The following GPC6 variants were observed in gnomAD, a reference collection of about 807,000 sequenced individuals.
GPC6 encodes glypican-6.
GPC6 carries 14 observed loss-of-function variants against 55.2 expected under a neutral mutation model. The ratio of observed to expected loss-of-function variants is 0.25; its 90% confidence interval spans 0.17 to 0.40. The LOEUF (loss-of-function observed/expected upper bound fraction) is 0.40. Among genes scored for constraint, GPC6 ranks in the 10% least tolerant of loss-of-function variants. The probability of loss-of-function intolerance (pLI) is 1.00; values close to 1 mark genes in which losing one functional copy is unlikely to be tolerated. For missense variants in GPC6, 641 were observed against 708.5 expected, an observed-to-expected ratio of 0.90 and a Z score of 1.08; for synonymous variants, 278 against 259.6, an observed-to-expected ratio of 1.07 and a Z score of -0.68.
Position 94,318,230 on chromosome 13 carries a change from G to A in GPC6, c.1152+12107G>A, listed in dbSNP as rs1295604617. 2.5e-4 allele frequency among the ~76,000 whole-genome samples: 38 copies of A among 152,108 alleles called. 1 individual carries two copies. The highest frequency in any genetic ancestry group is 2.3e-3 in the Admixed American group (35 of 15,270). On this transcript the variant is annotated intron_variant, in intron 6 of 8. Transcript: ENST00000377047. ...CTGTTTGCTCTATCAATTACTGAAA[G>A]AGAGATTTTCACTATGCGAGTAGAC...
At chr13:94,080,041 C>A (rs981977017) in intron 4 of GPC6, among the ~76,000 whole-genome samples, 7 of 152,148 alleles carry the variant, frequency 4.6e-5, no homozygotes, top group African/African-American at 1.7e-4. Flanking sequence ...TACACTTTCC[C>A]TCTTTCTGGG....
intron 1 of GPC6, among the ~76,000 whole-genome samples, chr13:93,273,422 G>T (rs1021170591): frequency 1.3e-5 from 2 of 152,168 alleles, no homozygotes; most frequent in Non-Finnish European, 2.9e-5. Context: ...ACTTTGGGAG[G>T]CCGAGGTGGG....
At chr13:93,809,888 G>A (rs1411479164) in intron 2 of GPC6, among the ~76,000 whole-genome samples, 1 of 152,186 alleles carries the variant, frequency 6.6e-6, no homozygotes, top group Non-Finnish European at 1.5e-5. Context: ...CCCCAGAGAA[G>A]TTTCAAGTAA....
intron 1 of GPC6, among the ~76,000 whole-genome samples, chr13:93,325,053 T>G (rs1879607438): frequency 6.6e-6 from 1 of 152,202 alleles, no homozygotes; most frequent in Non-Finnish European, 1.5e-5. Context: ...TTTGTAGGCA[T>G]TTCTCTATGT....
chr13:93,435,011 A>G (rs1340238891), intron 1 of GPC6, among the ~76,000 whole-genome samples: 2 of 152,184 alleles, frequency 1.3e-5, no homozygotes, highest in African/African-American at 4.8e-5. Flanking sequence ...AGCCTCATTG[A>G]TAGGTTTAAT....
intron 4 of GPC6, among the ~76,000 whole-genome samples, chr13:94,155,233 C>CA (rs999595741): frequency 3.2e-4 from 1 of 3,168 alleles, no homozygotes; most frequent in Non-Finnish European, 1.5e-3. Flanking sequence ...CATCCCACAA[C>CA]CTGCTCCTCC....
chr13:93,870,439 G>T (rs1411506353), intron 3 of GPC6, among the ~76,000 whole-genome samples: 1 of 151,868 alleles, frequency 6.6e-6, no homozygotes, highest in Non-Finnish European at 1.5e-5. Flanking sequence ...ATATGCTGGA[G>T]AATATAAATT....
In GPC6 at chr13:93,912,698, G is replaced by A. The variant is rs573683417; in HGVS notation, c.711+82153G>A. ...GCAGAGCTTGCAGTGAGCCGAGATTGCGCCACTGCACTCCAGCCTGGGCGA... is the reference window on the plus strand; with the variant it reads ...GCAGAGCTTGCAGTGAGCCGAGATTACGCCACTGCACTCCAGCCTGGGCGA... On this transcript the variant is annotated intron_variant, in intron 3 of 8. Transcript: ENST00000377047. 4.3e-4 allele frequency among the ~76,000 whole-genome samples: 66 copies of A among 152,246 alleles called. 1 individual carries two copies. In the South Asian group the frequency reaches 1.0e-2, roughly 23 times the overall value.
rs1594146456 is a variant in GPC6 at position 93,404,824 on chromosome 13, G to A, written c.161-140439G>A. The stretch of plus-strand genomic sequence containing the variant: ...TGATATTTATTTATTTAATTAATTA[G>A]ATTAACAACAATAACAGTTATGACA... On this transcript the variant is annotated intron_variant, in intron 1 of 8. Coordinates refer to ENST00000377047, the MANE Select transcript of GPC6 (RefSeq NM_005708.5). Among the ~76,000 whole-genome samples, 3 of 144,236 alleles carry A rather than the reference G, an allele frequency of 2.1e-5. No homozygotes were observed. The East Asian group carries it at 6.0e-4, about 29-fold the overall frequency. The allele number at this position is 144,236 out of a possible 152,430, so 94.6% of individuals were successfully genotyped here.
chr13:93,784,765 A>G (rs922782033), intron 2 of GPC6, among the ~76,000 whole-genome samples: 1 of 152,144 alleles, frequency 6.6e-6, no homozygotes, highest in Non-Finnish European at 1.5e-5. Flanking sequence ...TAGTCCAATC[A>G]ATGATTATTT....
intron 1 of GPC6, among the ~76,000 whole-genome samples, chr13:93,318,763 G>A (rs908924811): frequency 6.6e-6 from 1 of 152,148 alleles, no homozygotes; most frequent in African/African-American, 2.4e-5. Context: ...AGGAAGTGCG[G>A]AAGCCAGTTG....
At chr13:93,518,816 T>G (rs1262443311) in intron 1 of GPC6, among the ~76,000 whole-genome samples, 1 of 152,032 alleles carries the variant, frequency 6.6e-6, no homozygotes, top group African/African-American at 2.4e-5. Context: ...TTGTGTTTAT[T>G]ATGCAGGACT....
chr13:93,742,213 A>G (rs748917556), intron 2 of GPC6, among the ~76,000 whole-genome samples: 2 of 152,248 alleles, frequency 1.3e-5, no homozygotes, highest in Non-Finnish European at 2.9e-5. Context: ...CAAAGTAGGA[A>G]CAAGATGGAA....
intron 4 of GPC6, among the ~76,000 whole-genome samples, chr13:94,046,148 T>A (rs1566331851): frequency 6.6e-6 from 1 of 152,178 alleles, no homozygotes; most frequent in East Asian, 1.9e-4. Context: ...CTGGAGTAAC[T>A]GATCTCCATG....
chr13:93,510,555 T>C (rs1880916472), intron 1 of GPC6, among the ~76,000 whole-genome samples: 1 of 152,114 alleles, frequency 6.6e-6, no homozygotes, highest in African/African-American at 2.4e-5. Flanking sequence ...ATTTTCTTCA[T>C]TCATCTGTTA....
intron 3 of GPC6, among the ~76,000 whole-genome samples, chr13:93,952,864 GTA>G (rs888391100): frequency 2.8e-5 from 3 of 106,984 alleles, no homozygotes; most frequent in Admixed American, 1.0e-4. Flanking sequence ...GTATATATAT[GTA>G]TATATATACA....
intron 3 of GPC6, among the ~76,000 whole-genome samples, chr13:93,902,150 C>G (rs1261458934): frequency 2.0e-5 from 3 of 152,128 alleles, no homozygotes; most frequent in Non-Finnish European, 1.5e-5. Context: ...TGTGACAGAA[C>G]ACTGGAACTT....
intron 1 of GPC6, among the ~76,000 whole-genome samples, chr13:93,498,081 G>A (rs753822524): frequency 2.6e-5 from 4 of 152,184 alleles, no homozygotes; most frequent in African/African-American, 7.2e-5. Flanking sequence ...CGTACTTTAA[G>A]GATAGCTTCA....
At chr13:93,225,747 GTCAT>G (rs1408643945), upstream of GPC6, among the ~76,000 whole-genome samples, 1 of 152,074 alleles carries the variant, frequency 6.6e-6, no homozygotes, top group African/African-American at 2.4e-5. Flanking sequence ...AGTCATTCTG[GTCAT>G]TCATATCATC....
Sources: gnomAD v4.1 joint callset for allele counts (sites outside exome capture counted in the v4.1 genomes callset) on GRCh38, gnomAD v4.1.1 for gene constraint, MANE v1.5 for transcripts, NCBI Gene and HGNC (gene_info 2026-07-23, HGNC 2026-07-21) for gene names.